Variants in PCDHA4 observed in about 807,000 individuals in gnomAD.
PCDHA4 encodes protocadherin alpha 4, also known as protocadherin alpha-4.
Under a neutral mutation model 61.4 loss-of-function variants are expected in PCDHA4, and 49 were observed. The ratio of observed to expected loss-of-function variants is 0.80; its 90% CI spans 0.63 to 1.01. The LOEUF (loss-of-function observed/expected upper bound fraction) is 1.01, where lower values mean the gene tolerates loss of function less well. Among genes scored for constraint, PCDHA4 ranks in the 50% least tolerant of loss-of-function variants. The probability of loss-of-function intolerance (pLI) is 0.00; values close to 1 mark genes in which losing one functional copy is unlikely to be tolerated. For missense variants in PCDHA4, 1,254 were observed against 1,235.8 expected (o/e 1.01, Z -0.22); for synonymous variants, 590 against 550.3 (o/e 1.07, Z -1.01).
chr5:140,937,950 T>C (rs1483679576), intron 1 of PCDHA4, among the ~76,000 whole-genome samples: 1 of 152,164 alleles, frequency 6.6e-6, no homozygotes, highest in African/African-American at 2.4e-5. Flanking sequence ...AATTGGCTTT[T>C]GTTGAAAGTA....
At chr5:140,926,775 G>A (rs1563083910) in intron 1 of PCDHA4, 7 of 1,391,106 alleles carry the variant, frequency 5.0e-6, no homozygotes, top group East Asian at 2.6e-5. Context: ...GCCCGCAGCA[G>A]TGACGGCCGG....
chr5:140,900,095 C>G (rs1299633318), intron 1 of PCDHA4, among the ~76,000 whole-genome samples: 1 of 152,160 alleles, frequency 6.6e-6, no homozygotes, highest in Non-Finnish European at 1.5e-5. Flanking sequence ...CAAGCATGCG[C>G]CACCATACCT....
chr5:140,809,433 C>G lies in PCDHA4; in HGVS notation c.2246C>G (p.Ser749Ter). 3 of 1,614,244 alleles carry G rather than the reference C, an allele frequency of 1.9e-6. No homozygotes were observed. The highest frequency in any genetic ancestry group is 2.5e-6 in the Non-Finnish European group (3 of 1,180,030). The change falls in exon 1 of 4, where the codon TCA becomes TGA. Residue 749 changes from serine to a stop codon, truncating the protein, a stop_gained. Transcript: ENST00000530339. LOFTEE classifies it high-confidence loss of function. ...LVCSSAVGSW[S>*]YSQQRRPRVC... Reference sequence around the variant, plus strand: ...TGCTCCAGTGCGGTGGGGAGCTGGTCATACTCGCAGCAGAGGAGGCCGAGG... The same window carrying G: ...TGCTCCAGTGCGGTGGGGAGCTGGTGATACTCGCAGCAGAGGAGGCCGAGG...
intron 1 of PCDHA4, chr5:140,823,600 G>T: frequency 6.2e-7 from 1 of 1,614,032 alleles, no homozygotes; most frequent in Non-Finnish European, 8.5e-7. Context: ...GCTTTCGTAT[G>T]AGCTGCAGCC....
At chr5:140,964,961 G>A (rs552220130) in intron 1 of PCDHA4, among the ~76,000 whole-genome samples, 1 of 152,320 alleles carries the variant, frequency 6.6e-6, no homozygotes, top group Non-Finnish European at 1.5e-5. Context: ...TTGGTTGGTG[G>A]AACGAAGGGA....
At chr5:140,857,435 G>A (rs912006741) in intron 1 of PCDHA4, 4 of 1,598,574 alleles carry the variant, frequency 2.5e-6, no homozygotes, top group Admixed American at 3.4e-5. Flanking sequence ...CACGGTGTTC[G>A]TGAAGGAGAA....
intron 3 of PCDHA4, among the ~76,000 whole-genome samples, chr5:140,991,302 T>C (rs2097443703): frequency 6.6e-6 from 1 of 152,204 alleles, no homozygotes; most frequent in African/African-American, 2.4e-5. Flanking sequence ...ATTACTATTA[T>C]CTTGTCCCGC....
intron 1 of PCDHA4, chr5:140,849,885 G>C (rs2150456327): frequency 1.3e-6 from 2 of 1,598,614 alleles, no homozygotes; most frequent in Non-Finnish European, 1.7e-6. Flanking sequence ...CACGGTGTTC[G>C]TGAAGGAGAA....
At chr5:140,871,293 G>T (rs1206433527) in intron 1 of PCDHA4, 5 of 1,613,794 alleles carry the variant, frequency 3.1e-6, no homozygotes, top group Admixed American at 1.7e-5. Flanking sequence ...CTGAGGGCGC[G>T]TGCGCGCCGG....
intron 1 of PCDHA4, among the ~76,000 whole-genome samples, chr5:140,831,385 G>C (rs1771511282): frequency 6.7e-6 from 1 of 149,982 alleles, no homozygotes. Flanking sequence ...TGTGTGACAG[G>C]GTCTTGCTCT....
chr5:140,826,267 G>A (rs1263304586), intron 1 of PCDHA4, among the ~76,000 whole-genome samples: 1 of 152,096 alleles, frequency 6.6e-6, no homozygotes, highest in Non-Finnish European at 1.5e-5. Flanking sequence ...AAGTCTTTAT[G>A]TATATTTTGT....
intron 1 of PCDHA4, 63 bp downstream of exon 1, chr5:140,809,635 A>T: frequency 6.6e-7 from 1 of 1,504,040 alleles, no homozygotes; most frequent in Non-Finnish European, 8.9e-7. Flanking sequence ...CTTCTTCGTA[A>T]ATTTATTTCT....
At chr5:140,911,663 T>G (rs2075591717) in intron 1 of PCDHA4, among the ~76,000 whole-genome samples, 1 of 152,206 alleles carries the variant, frequency 6.6e-6, no homozygotes, top group Non-Finnish European at 1.5e-5. Context: ...CTAAACTCCT[T>G]GCCTCTCACG....
intron 1 of PCDHA4, among the ~76,000 whole-genome samples, chr5:140,905,837 G>A (rs1433117944): frequency 1.3e-5 from 2 of 152,148 alleles, no homozygotes; most frequent in African/African-American, 2.4e-5. Context: ...ATAAAGGGGA[G>A]TTTATTAAGG....
chr5:140,992,971 T>C (rs1186217726), intron 3 of PCDHA4, among the ~76,000 whole-genome samples: 17 of 152,166 alleles, frequency 1.1e-4, no homozygotes, highest in Admixed American at 1.1e-3. Flanking sequence ...CTGCTGACAA[T>C]GATTAGGCCA....
chr5:140,916,621 C>T (rs1031371866), intron 1 of PCDHA4, among the ~76,000 whole-genome samples: 8 of 152,200 alleles, frequency 5.3e-5, no homozygotes, highest in Non-Finnish European at 1.2e-4. Flanking sequence ...TGACTCTACT[C>T]AATGCCCTAT....
intron 1 of PCDHA4, among the ~76,000 whole-genome samples, chr5:140,844,624 A>G (rs1293220990): frequency 6.7e-6 from 1 of 149,582 alleles, no homozygotes; most frequent in Non-Finnish European, 1.5e-5. Context: ...TTTCATCAGA[A>G]AAACTATACA....
At chr5:140,832,575 T>G (rs1351881493) in intron 1 of PCDHA4, among the ~76,000 whole-genome samples, 1 of 152,226 alleles carries the variant, frequency 6.6e-6, no homozygotes, top group Non-Finnish European at 1.5e-5. Context: ...CAGCATACTT[T>G]CTTAGGAAGT....
At position 140,837,344 on chromosome 5, in the gene PCDHA4, A is replaced by C. The variant is rs138416097; in HGVS notation, c.2385+27772A>C. ...GAAGAATTAATATGAACAATTTAAAATAGTTTAAATGGCAGTTTAATAGTA... is the reference window on the plus strand; with the variant it reads ...GAAGAATTAATATGAACAATTTAAACTAGTTTAAATGGCAGTTTAATAGTA... On this transcript the variant is annotated intron_variant, in intron 1 of 3. Transcript: ENST00000530339. Among the ~76,000 whole-genome samples, 56 of 152,138 alleles carry C rather than the reference A, an allele frequency of 3.7e-4. No individual in the cohort carries two copies. In the East Asian group the frequency reaches 0.01, roughly 28 times the overall value.
Sources: gnomAD v4.1 joint callset for allele counts (sites outside exome capture counted in the v4.1 genomes callset) on GRCh38, gnomAD v4.1.1 for gene constraint, MANE v1.5 for transcripts, NCBI Gene and HGNC (gene_info 2026-07-23, HGNC 2026-07-21) for gene names.